The following SLC6A4 variants were observed in gnomAD, a reference collection of about 807,000 sequenced individuals.
The protein encoded by SLC6A4 is sodium-dependent serotonin transporter.
A neutral mutation model predicts 73.4 loss-of-function variants in SLC6A4; 22 were observed. The ratio of observed to expected loss-of-function variants is 0.30; its 90% CI spans 0.21 to 0.43. The LOEUF (loss-of-function observed/expected upper bound fraction) is 0.43, where lower values mean the gene tolerates loss of function less well. Among genes scored for constraint, SLC6A4 ranks in the 20% least tolerant of loss-of-function variants. SLC6A4 has a pLI of 1.00. For missense variants in SLC6A4, 593 were observed against 808.5 expected, an observed-to-expected ratio of 0.73 and a Z score of 3.23; for synonymous variants, 270 against 315.5, an observed-to-expected ratio of 0.86 and a Z score of 1.53.
chr17:30,222,944 T>C (rs963526166), intron 1 of SLC6A4, 29 bp from the exon 2 acceptor site: 5 of 825,032 alleles, frequency 6.1e-6, no homozygotes, highest in African/African-American at 3.6e-5. Context: ...AGGTTACTGA[T>C]GCTGGGGTGG....
Position 30,218,233 on chromosome 17 carries a change from G to C in SLC6A4, c.583C>G (p.Leu195Val), listed in dbSNP as rs1906640411. 2 of 1,614,098 alleles carry C rather than the reference G, an allele frequency of 1.2e-6. No homozygotes were observed. The highest frequency in any genetic ancestry group is 1.7e-6 in the Non-Finnish European group (2 of 1,180,016). ...GAGTTCTTGCAGCTGGTCCAGGGCA[G>C]CTGGTCCGTGAAGGAGGAGATGAGG... ...YYLISSFTDQLPWTSCKNSWN... is the reference protein window; with the variant it reads ...YYLISSFTDQVPWTSCKNSWN... Residue 195 changes from leucine (L) to valine (V), a missense_variant, in exon 5 of 15, where the codon CTG becomes GTG. Leu to Val is a conservative substitution (Grantham distance 32). Coordinates refer to ENST00000650711, the MANE Select transcript of SLC6A4 (RefSeq NM_001045.6).
At chr17:30,226,280 G>C (rs932020843) in intron 1 of SLC6A4, among the ~76,000 whole-genome samples, 3 of 152,240 alleles carry the variant, frequency 2.0e-5, no homozygotes, top group Non-Finnish European at 4.4e-5. Context: ...CATCTCCCAA[G>C]AGTGATGGGA....
chr17:30,217,882 G>A (rs543204218), intron 5 of SLC6A4, among the ~76,000 whole-genome samples: 4 of 152,196 alleles, frequency 2.6e-5, no homozygotes, highest in African/African-American at 4.8e-5. Flanking sequence ...GGGCTTGGGC[G>A]CATTGGAGCA....
intron 3 of SLC6A4, among the ~76,000 whole-genome samples, chr17:30,220,103 C>T (rs140834083): frequency 1.3e-5 from 2 of 152,158 alleles, no homozygotes; most frequent in African/African-American, 2.4e-5. Context: ...GCTGAGCTTC[C>T]CAGGGGCCCC....
At chr17:30,204,003 G>A (rs1055696645) in intron 13 of SLC6A4, among the ~76,000 whole-genome samples, 5 of 152,192 alleles carry the variant, frequency 3.3e-5, no homozygotes, top group Non-Finnish European at 7.3e-5. Context: ...TCTCAACAAT[G>A]AATGTCTGCC....
intron 14 of SLC6A4, among the ~76,000 whole-genome samples, chr17:30,200,202 TGG>T (rs1567814355): frequency 1.3e-5 from 2 of 152,240 alleles, no homozygotes; most frequent in Admixed American, 1.3e-4. Flanking sequence ...CCTACCCACA[TGG>T]GCTGCTGCCC....
intron 1 of SLC6A4, among the ~76,000 whole-genome samples, chr17:30,223,719 T>C (rs1403229107): frequency 6.6e-6 from 1 of 152,066 alleles, no homozygotes; most frequent in Non-Finnish European, 1.5e-5. Flanking sequence ...GTACCGCACT[T>C]GTTGGGCCCT....
intron 1 of SLC6A4, among the ~76,000 whole-genome samples, chr17:30,230,259 T>C (rs1056864553): frequency 7.2e-5 from 11 of 152,202 alleles, no homozygotes; most frequent in African/African-American, 2.6e-4. Context: ...TCTGTTACCA[T>C]AGTATATTTA....
At chr17:30,207,205 T>G (rs1178211984) in intron 13 of SLC6A4, among the ~76,000 whole-genome samples, 2 of 151,702 alleles carry the variant, frequency 1.3e-5, no homozygotes, top group African/African-American at 4.8e-5. Flanking sequence ...GTCAGAAGGG[T>G]GGGGAACCAT....
At chr17:30,200,789 A>T (rs1338764323) in intron 14 of SLC6A4, among the ~76,000 whole-genome samples, 1 of 151,888 alleles carries the variant, frequency 6.6e-6, no homozygotes, top group African/African-American at 2.4e-5. Flanking sequence ...TACTTATTTA[A>T]TTTTTTTGAG....
chr17:30,227,156 G>A (rs1422496029), intron 1 of SLC6A4, among the ~76,000 whole-genome samples: 1 of 152,234 alleles, frequency 6.6e-6, no homozygotes, highest in Non-Finnish European at 1.5e-5. Context: ...GACCTTGGCT[G>A]TTGGCTGATC....
In SLC6A4 at chr17:30,217,280, C is replaced by A. The variant is rs1906607876; in HGVS notation, c.723G>T (p.Arg241=). 6.2e-7 allele frequency: 1 copy of A among 1,614,134 alleles called. No homozygotes were observed. Among genetic ancestry groups the A allele is most frequent in the Non-Finnish European group, 8.5e-7 (1 of 1,180,002 alleles). The change falls in exon 6 of 15, where the codon CGG becomes CGT. Residue 241 remains arginine (R), a synonymous_variant. Coordinates refer to ENST00000650711, the MANE Select transcript of SLC6A4 (RefSeq NM_001045.6). The part of the protein sequence containing the change: ...FYTRHVLQIH[R]SKGLQDLGGI... ...CCCCCAGGTCCTGGAGCCCCTTAGA[C>A]CGGTGGATCTGCAGGACGTGGCGCC...
Position 30,195,206 on chromosome 17 carries a change from C to T in SLC6A4, c.*3250G>A, listed in dbSNP as rs1905816531. The T allele has an allele frequency of 6.6e-6, 1 of 152,172 alleles. No individual in the cohort carries two copies. The highest frequency in any genetic ancestry group is 2.4e-5 in the African/African-American group (1 of 41,452). The allele number at this position is 152,172 out of a possible 1,614,324, so 9.4% of individuals were successfully genotyped here. A position where few individuals can be genotyped will look rare whatever the true frequency, so the allele number is the denominator to read the frequency against. On this transcript the variant is annotated 3_prime_UTR_variant, in exon 15 of 15. Coordinates refer to ENST00000650711, the MANE Select transcript of SLC6A4 (RefSeq NM_001045.6). Reference sequence around the variant, plus strand: ...AGGACAGACATATTTAAGATTCCATCCTAAAATATTTATCTTTTCTATCGT... The same window carrying T: ...AGGACAGACATATTTAAGATTCCATTCTAAAATATTTATCTTTTCTATCGT...
At chr17:30,201,973 T>A (rs1906049526) in intron 14 of SLC6A4, among the ~76,000 whole-genome samples, 1 of 152,002 alleles carries the variant, frequency 6.6e-6, no homozygotes, top group African/African-American at 2.4e-5. Context: ...GCGCTTGTAG[T>A]CCCAGCTAGT....
At position 30,211,636 on chromosome 17, in the gene SLC6A4, C is replaced by T. The variant is rs890699945; in HGVS notation, c.1205-212G>A. Among the ~76,000 whole-genome samples, 9 of 152,184 alleles carry T rather than the reference C, an allele frequency of 5.9e-5. No individual in the cohort carries two copies. Among genetic ancestry groups the T allele is most frequent in the Non-Finnish European group, 1.5e-5 (1 of 68,032 alleles). On this transcript the variant is annotated intron_variant, in intron 9 of 14. Coordinates refer to ENST00000650711, the MANE Select transcript of SLC6A4 (RefSeq NM_001045.6). The surrounding 1 kb of genome is among the most constrained non-coding windows in gnomAD (Gnocchi z 4.0). Reference sequence around the variant, plus strand: ...TGGGAGGCAGGAAGGGTGGGGCTTCCATCTTGAAAACTGTGTGCCCTCCAT... The same window carrying T: ...TGGGAGGCAGGAAGGGTGGGGCTTCTATCTTGAAAACTGTGTGCCCTCCAT...
At chr17:30,222,153 T>C in intron 2 of SLC6A4, 72 bp from the exon 3 acceptor site, 2 of 957,700 alleles carry the variant, frequency 2.1e-6, no homozygotes, top group Admixed American at 2.4e-5. Context: ...TAACTCATCA[T>C]ACATCTTAAA....
intron 1 of SLC6A4, among the ~76,000 whole-genome samples, chr17:30,224,727 C>T (rs575447864): frequency 7.2e-5 from 11 of 152,246 alleles, no homozygotes; most frequent in African/African-American, 2.6e-4. Flanking sequence ...GAGCAGTTAC[C>T]CTCCTGCCTC....
At chr17:30,200,722 C>A (rs950163680) in intron 14 of SLC6A4, among the ~76,000 whole-genome samples, 1 of 152,210 alleles carries the variant, frequency 6.6e-6, no homozygotes, top group Non-Finnish European at 1.5e-5. Context: ...ATTAAACATG[C>A]ACATGGGCAT....
intron 1 of SLC6A4, 77 bp from the exon 2 acceptor site, chr17:30,222,992 C>T: frequency 2.2e-6 from 1 of 461,278 alleles, no homozygotes; most frequent in South Asian, 1.7e-5. Context: ...ACTGGGAGGG[C>T]CTGGCCGGGG....
Sources: gnomAD v4.1 joint callset for allele counts (sites outside exome capture counted in the v4.1 genomes callset) on GRCh38, gnomAD v4.1.1 for gene constraint, Gnocchi (gnomAD v3.1) non-coding constraint, MANE v1.5 for transcripts, NCBI Gene and HGNC (gene_info 2026-07-23, HGNC 2026-07-21) for gene names.